The following ZSCAN18 variants were observed in gnomAD, a reference collection of about 807,000 sequenced individuals.
ZSCAN18 encodes the protein zinc finger and SCAN domain-containing protein 18.
A neutral mutation model predicts 31.1 loss-of-function variants in ZSCAN18; 16 were observed. That is an observed-to-expected ratio of 0.51 (90% CI 0.35 to 0.78). The LOEUF is 0.78. Ranked by LOEUF, ZSCAN18 falls within the 30% of genes least tolerant of loss-of-function variation. ZSCAN18 has a pLI of 0.01. For missense variants in ZSCAN18, 731 were observed against 697.4 expected, an observed-to-expected ratio of 1.05 and a Z score of -0.54; for synonymous variants, 375 against 320.7, an observed-to-expected ratio of 1.17 and a Z score of -1.81.
chr19:58,098,966 G>C (rs1177406180), upstream of ZSCAN18, among the ~76,000 whole-genome samples: 1 of 152,186 alleles, frequency 6.6e-6, no homozygotes, highest in African/African-American at 2.4e-5. Flanking sequence ...CAGCTGGGGT[G>C]AGGGCTTTGG....
Position 58,083,935 on chromosome 19 carries a change from G to A in ZSCAN18, c.*750C>T, listed in dbSNP as rs1476985537. The A allele has an allele frequency of 2.0e-5, 3 of 152,220 alleles. No homozygotes were observed. The highest frequency in any genetic ancestry group is 2.1e-4 in the South Asian group (1 of 4,834). The allele number at this position is 152,220 out of a possible 1,614,324, so 9.4% of individuals were successfully genotyped here. ...TGCTCACAACTTCCCAGCAAGAAATGTCTTACATTGCAACCAGTTCTCACA... is the reference window on the plus strand; with the variant it reads ...TGCTCACAACTTCCCAGCAAGAAATATCTTACATTGCAACCAGTTCTCACA... On this transcript the variant is annotated 3_prime_UTR_variant, in exon 7 of 7. Coordinates refer to ENST00000601144, the MANE Select transcript of ZSCAN18 (RefSeq NM_001145543.2).
chr19:58,106,988 A>C (rs564848574), intron 1 of ZSCAN18, among the ~76,000 whole-genome samples: 2 of 151,508 alleles, frequency 1.3e-5, no homozygotes, highest in South Asian at 2.1e-4. Flanking sequence ...TTGTCTCGAA[A>C]TCCTGACCTC....
At chr19:58,115,890 G>A (rs1212241980) in intron 1 of ZSCAN18, among the ~76,000 whole-genome samples, 1 of 152,040 alleles carries the variant, frequency 6.6e-6, no homozygotes, top group Non-Finnish European at 1.5e-5. Flanking sequence ...CCCTTACAAG[G>A]ATACACATTC....
At chr19:58,093,052 C>T (rs1464499473) in intron 1 of ZSCAN18, among the ~76,000 whole-genome samples, 2 of 152,186 alleles carry the variant, frequency 1.3e-5, no homozygotes, top group African/African-American at 2.4e-5. Context: ...GCTGGGATTA[C>T]AGGCGTGAGC....
intron 1 of ZSCAN18, among the ~76,000 whole-genome samples, chr19:58,093,891 G>A (rs551784608): frequency 1.1e-4 from 16 of 151,950 alleles, no homozygotes; most frequent in South Asian, 2.1e-4. Context: ...TCAGCCTCCC[G>A]AGTCACTGGG....
Position 58,084,816 on chromosome 19 carries a change from T to C in ZSCAN18, c.1402A>G (p.Ser468Gly). 6.3e-7 allele frequency: 1 copy of C among 1,591,506 alleles called. No individual in the cohort carries two copies. The highest frequency in any genetic ancestry group is 2.3e-5 in the East Asian group (1 of 44,158). The change falls in exon 7 of 7, where the codon AGC becomes GGC. Residue 468 changes from serine to glycine, a missense_variant. This residue lies in a region of ZSCAN18 where 597 missense variants were observed against 499.5 expected (regional missense o/e 1.20). Transcript: ENST00000601144. The surrounding 1 kb of genome is among the most constrained non-coding windows in gnomAD (Gnocchi z 4.5). Reference sequence around the variant, plus strand: ...CCCCGGGCGCCCCCCAGCGCGTAGCTTTTCTCCTTCTCGTGGGTCTTCTGG... The same window carrying C: ...CCCCGGGCGCCCCCCAGCGCGTAGCCTTTCTCCTTCTCGTGGGTCTTCTGG... ...EHQKTHEKEKSYALGGARGPQ... is the reference protein window; with the variant it reads ...EHQKTHEKEKGYALGGARGPQ...
At chr19:58,102,326 T>A (rs542463145), upstream of ZSCAN18, among the ~76,000 whole-genome samples, 22 of 152,192 alleles carry the variant, frequency 1.4e-4, no homozygotes, top group South Asian at 6.2e-4. Flanking sequence ...CCGGGCATGG[T>A]GGCGGGCGCC....
chr19:58,096,333 A>C (rs1456568985), intron 1 of ZSCAN18, among the ~76,000 whole-genome samples: 1 of 152,096 alleles, frequency 6.6e-6, no homozygotes. Flanking sequence ...TCCCTCCCCT[A>C]ATCTTGGGAC....
chr19:58,113,016 A>C (rs754623270), intron 1 of ZSCAN18, among the ~76,000 whole-genome samples: 109 of 149,936 alleles, frequency 7.3e-4, no homozygotes, highest in Non-Finnish European at 1.3e-3. Context: ...CAATTTTCAC[A>C]TAAACAAAAG....
intron 1 of ZSCAN18, chr19:58,108,564 G>C (rs2146024377): frequency 1.0e-6 from 1 of 985,942 alleles, no homozygotes; most frequent in East Asian, 1.1e-4. Flanking sequence ...AATTCTTAGA[G>C]AGGGATTTTC....
intron 1 of ZSCAN18, among the ~76,000 whole-genome samples, chr19:58,112,787 T>C (rs1458452349): frequency 6.7e-6 from 1 of 149,774 alleles, no homozygotes; most frequent in African/African-American, 2.5e-5. Flanking sequence ...CCTTCTCTAC[T>C]AAAAACACAA....
chr19:58,115,969 G>C (rs1051297152), intron 1 of ZSCAN18, among the ~76,000 whole-genome samples: 1 of 151,808 alleles, frequency 6.6e-6, no homozygotes, highest in Non-Finnish European at 1.5e-5. Flanking sequence ...TCATCAACAG[G>C]AAAGGCAAGA....
chr19:58,107,609 T>C (rs1484951954), intron 1 of ZSCAN18: 2 of 955,208 alleles, frequency 2.1e-6, no homozygotes, highest in Non-Finnish European at 2.5e-6. Context: ...ACACATGTGC[T>C]GTCATCCAGG....
Position 58,098,175 on chromosome 19 carries a change from T to G in ZSCAN18, c.-121A>C. ...GCTGCATCCCCGGGACCGACCCACC[T>G]GCTGCGCAGCTACCCCAGGCCGGTC... is the stretch of plus-strand genomic sequence containing the variant. On this transcript the variant is annotated splice_region_variant and 5_prime_UTR_variant, in exon 1 of 7. Coordinates refer to ENST00000601144, the MANE Select transcript of ZSCAN18 (RefSeq NM_001145543.2). 1.0e-6 allele frequency: 1 copy of G among 985,540 alleles called. No individual in the cohort carries two copies. The highest frequency in any genetic ancestry group is 1.2e-6 in the Non-Finnish European group (1 of 830,012). 61.0% of individuals were successfully genotyped at this position (985,540 alleles called of 1,614,324 possible).
intron 2 of ZSCAN18, 73 bp from the exon 3 acceptor site, chr19:58,088,910 A>C: frequency 6.7e-7 from 1 of 1,485,408 alleles, no homozygotes; most frequent in Non-Finnish European, 9.1e-7. Context: ...CAGTTAAACC[A>C]CAGGGACCTG....
Position 58,084,567 on chromosome 19 carries a change from A to G in ZSCAN18, c.*118T>C. ...TCAGGAGCGGATTCAGGGCACAGGCAGAGGACGTCCACAAACACCACAGGA... is the reference window on the plus strand; with the variant it reads ...TCAGGAGCGGATTCAGGGCACAGGCGGAGGACGTCCACAAACACCACAGGA... On this transcript the variant is annotated 3_prime_UTR_variant, in exon 7 of 7. Transcript: ENST00000601144. The surrounding 1 kb of genome is among the most constrained non-coding windows in gnomAD (Gnocchi z 4.5). 2.9e-6 allele frequency: 3 copies of G among 1,025,384 alleles called. No homozygotes were observed. Among genetic ancestry groups the G allele is most frequent in the African/African-American group, 3.4e-5 (2 of 59,570 alleles). The allele number at this position is 1,025,384 out of a possible 1,614,324, so 63.5% of individuals were successfully genotyped here.
chr19:58,117,701 G>C (rs989015134), intron 1 of ZSCAN18, among the ~76,000 whole-genome samples: 4 of 147,206 alleles, frequency 2.7e-5, no homozygotes, highest in African/African-American at 1.0e-4. Context: ...GGTGAGAAAA[G>C]GCCATCTGTG....
chr19:58,108,004 C>T (rs916307976), intron 1 of ZSCAN18: 36 of 1,031,456 alleles, frequency 3.5e-5, no homozygotes, highest in Admixed American at 1.1e-4. Context: ...CTGGTTACAG[C>T]CACAGACCTT....
At position 58,084,898 on chromosome 19, in the gene ZSCAN18, G is replaced by A. The variant is rs572306721; in HGVS notation, c.1320C>T (p.Arg440=). 30 of 1,594,216 alleles carry A rather than the reference G, an allele frequency of 1.9e-5. 3 individuals are homozygous for A. In the South Asian group the frequency reaches 3.2e-4, roughly 17 times the overall value. ...TCTTCCAGCAGCCCTGACAGGCGTAGCGCTTCCGGCCGCCATGGCTGCTGT... is the reference window on the plus strand; with the variant it reads ...TCTTCCAGCAGCCCTGACAGGCGTAACGCTTCCGGCCGCCATGGCTGCTGT... ...EHHSSHGGRK[R]YACQGCWKTF... Residue 440 remains arginine (R), a synonymous_variant, in exon 7 of 7, where the codon CGC becomes CGT. Transcript: ENST00000601144. This position sits in a 1 kb window ranked among gnomAD's most constrained non-coding sequence, Gnocchi z 4.5.
Sources: allele counts gnomAD v4.1 joint callset (sites outside exome capture counted in the v4.1 genomes callset), GRCh38; gene constraint gnomAD v4.1.1; regional missense constraint gnomAD v4.1.1; non-coding constraint Gnocchi (gnomAD v3.1); transcripts MANE v1.5; gene names NCBI Gene and HGNC (gene_info 2026-07-23, HGNC 2026-07-21).